The following PIK3C2G variants were observed in gnomAD, a reference collection of about 807,000 sequenced individuals.
PIK3C2G encodes phosphatidylinositol-4-phosphate 3-kinase catalytic subunit type 2 gamma, also known as phosphatidylinositol 3-kinase C2 domain-containing subunit gamma.
A neutral mutation model predicts 181.1 loss-of-function variants in PIK3C2G; 168 were observed. That is an observed-to-expected ratio of 0.93 (90% CI 0.82 to 1.05). PIK3C2G has a LOEUF of 1.05. PIK3C2G is among the 50% of genes least tolerant of loss of function. PIK3C2G has a pLI of 0.00. For missense variants in PIK3C2G, 1,869 were observed against 1,732.8 expected (o/e 1.08, Z -1.40); for synonymous variants, 573 against 592.2 (o/e 0.97, Z 0.47).
chr12:18,488,023 C>T (rs777879947), intron 18 of PIK3C2G, among the ~76,000 whole-genome samples: 3 of 151,886 alleles, frequency 2.0e-5, no homozygotes, highest in African/African-American at 7.3e-5. Context: ...TGTGACAGTG[C>T]GGGGATATTA....
intron 24 of PIK3C2G, among the ~76,000 whole-genome samples, chr12:18,517,364 G>A (rs1384281671): frequency 1.3e-5 from 2 of 152,094 alleles, no homozygotes; most frequent in Non-Finnish European, 2.9e-5. Context: ...CTATCCATGA[G>A]GATGGGATGT....
intron 1 of PIK3C2G, among the ~76,000 whole-genome samples, chr12:18,264,716 T>A (rs1266832137): frequency 6.6e-6 from 1 of 151,902 alleles, no homozygotes; most frequent in East Asian, 1.9e-4. Context: ...AAGAAGAAAA[T>A]CAGCTGTGTG....
chr12:18,693,839 C>G, the PIK3C2G span: 2 of 1,531,092 alleles, frequency 1.3e-6, no homozygotes, highest in Non-Finnish European at 1.8e-6. Flanking sequence ...TGAGTTCCCC[C>G]TGCCTGATGA....
At chr12:18,326,972 GA>G (rs1951372966) in intron 8 of PIK3C2G, among the ~76,000 whole-genome samples, 1 of 151,946 alleles carries the variant, frequency 6.6e-6, no homozygotes, top group African/African-American at 2.4e-5. Context: ...TCCAAATTCA[GA>G]AGTTTGATCT....
chr12:18,249,731 A>G (rs958088778), intron 1 of PIK3C2G, among the ~76,000 whole-genome samples: 1 of 151,850 alleles, frequency 6.6e-6, no homozygotes, highest in African/African-American at 2.4e-5. Flanking sequence ...TTTAGCAACC[A>G]GGATTATAAA....
At chr12:18,649,949 A>T (rs1950345341), downstream of PIK3C2G, among the ~76,000 whole-genome samples, 1 of 151,946 alleles carries the variant, frequency 6.6e-6, no homozygotes, top group Admixed American at 6.6e-5. Context: ...GGAGTGTCCC[A>T]GGGCTCACCC....
intron 18 of PIK3C2G, among the ~76,000 whole-genome samples, chr12:18,439,646 C>G (rs1375991647): frequency 6.6e-6 from 1 of 151,992 alleles, no homozygotes; most frequent in Non-Finnish European, 1.5e-5. Context: ...TGCAAAATGT[C>G]TCATGAATCA....
At chr12:18,314,892 A>T (rs1227576852) in intron 6 of PIK3C2G, among the ~76,000 whole-genome samples, 2 of 152,210 alleles carry the variant, frequency 1.3e-5, no homozygotes, top group East Asian at 3.8e-4. Flanking sequence ...AAACTTTCAT[A>T]ATATATATAA....
At chr12:18,432,142 A>C (rs1946195997) in intron 18 of PIK3C2G, among the ~76,000 whole-genome samples, 1 of 152,214 alleles carries the variant, frequency 6.6e-6, no homozygotes, top group Non-Finnish European at 1.5e-5. Flanking sequence ...CTTTAAATAA[A>C]TTTGGTGTCA....
At chr12:18,408,151 T>C (rs4764401) in intron 16 of PIK3C2G, among the ~76,000 whole-genome samples, 18,582 of 152,178 alleles carry the variant, frequency 0.12, 1,173 homozygotes, top group African/African-American at 0.14. Context: ...GACTATGTTC[T>C]GAATGGTATT....
At chr12:18,686,478 G>A in the PIK3C2G span, among the ~76,000 whole-genome samples, 1 of 151,186 alleles carries the variant, frequency 6.6e-6, no homozygotes, top group African/African-American at 2.5e-5. Flanking sequence ...TCTCTAGCAT[G>A]TTTAAATTGT....
chr12:18,532,584 C>T (rs983321193), intron 24 of PIK3C2G, among the ~76,000 whole-genome samples: 3 of 152,156 alleles, frequency 2.0e-5, no homozygotes, highest in East Asian at 1.9e-4. Flanking sequence ...AACCTGTCTT[C>T]ACTGAATTAC....
chr12:18,362,041 C>T (rs568627495), intron 11 of PIK3C2G, among the ~76,000 whole-genome samples: 2 of 152,102 alleles, frequency 1.3e-5, no homozygotes, highest in East Asian at 3.9e-4. Flanking sequence ...TGCTCCAAGA[C>T]AGACAAGACA....
intron 29 of PIK3C2G, among the ~76,000 whole-genome samples, chr12:18,580,041 G>A (rs1946416977): frequency 6.6e-6 from 1 of 151,640 alleles, no homozygotes; most frequent in African/African-American, 2.4e-5. Context: ...GCTGAGGCAG[G>A]AGAATTGCTT....
intron 22 of PIK3C2G, among the ~76,000 whole-genome samples, chr12:18,499,075 T>C (rs1221379312): frequency 6.6e-6 from 1 of 152,234 alleles, no homozygotes; most frequent in Non-Finnish European, 1.5e-5. Context: ...TTTCATCTCA[T>C]TTCTATTTAT....
At chr12:18,359,897 G>A (rs1483000733) in intron 11 of PIK3C2G, among the ~76,000 whole-genome samples, 1 of 151,982 alleles carries the variant, frequency 6.6e-6, no homozygotes, top group Non-Finnish European at 1.5e-5. Context: ...TATACTTTTT[G>A]TCCATTTAGC....
chr12:18,444,221 C>T (rs1187613815), intron 18 of PIK3C2G, among the ~76,000 whole-genome samples: 1 of 152,146 alleles, frequency 6.6e-6, no homozygotes, highest in African/African-American at 2.4e-5. Flanking sequence ...CCTGGAACGG[C>T]CACCCCTGTC....
At chr12:18,324,135 A>G (rs1029999463) in intron 7 of PIK3C2G, among the ~76,000 whole-genome samples, 11 of 151,824 alleles carry the variant, frequency 7.2e-5, no homozygotes, top group Non-Finnish European at 1.5e-5. Context: ...CAGGAGAATG[A>G]CGTGAACCCC....
chr12:18,417,143 T>G (rs1945225913), intron 16 of PIK3C2G, among the ~76,000 whole-genome samples: 1 of 152,110 alleles, frequency 6.6e-6, no homozygotes, highest in African/African-American at 2.4e-5. Context: ...TGGTAGAACT[T>G]ATAAGTGAAC....
Sources: gnomAD v4.1 joint callset for allele counts (sites outside exome capture counted in the v4.1 genomes callset) on GRCh38, gnomAD v4.1.1 for gene constraint, MANE v1.5 for transcripts, NCBI Gene and HGNC (gene_info 2026-07-23, HGNC 2026-07-21) for gene names.